The following ZNF678 variants were observed in gnomAD, a reference collection of about 807,000 sequenced individuals.
ZNF678 encodes hypothetical protein MGC42493.
Under a neutral mutation model 3.0 loss-of-function variants are expected in ZNF678, and 5 were observed. The observed-to-expected ratio is 1.69, with a 90% confidence interval of 0.88 to 3.56. The LOEUF is 3.56. Ranked by LOEUF, ZNF678 falls within the 30% of genes most tolerant of loss-of-function variation. The pLI is 0.00. For synonymous variants in ZNF678, 218 were observed against 199.6 expected, an observed-to-expected ratio of 1.09 and a Z score of -0.78; for missense variants, 593 against 605.0, an observed-to-expected ratio of 0.98 and a Z score of 0.21.
chr1:227,645,465 T>C (rs1176752267), intron 1 of ZNF678, among the ~76,000 whole-genome samples: 1 of 152,248 alleles, frequency 6.6e-6, no homozygotes, highest in African/African-American at 2.4e-5. Context: ...CTTCTTATGA[T>C]AGTCAGGGGG....
intron 1 of ZNF678, among the ~76,000 whole-genome samples, chr1:227,611,168 T>G (rs1445401829): frequency 6.6e-6 from 1 of 152,220 alleles, no homozygotes; most frequent in East Asian, 1.9e-4. Flanking sequence ...CTCCACTGGC[T>G]CATGATCTGT....
chr1:227,599,188 T>C, intron 1 of ZNF678: 1 of 1,088,536 alleles, frequency 9.2e-7, no homozygotes, highest in Non-Finnish European at 1.4e-6. Context: ...AAATAACCTT[T>C]GTTAAATTTA....
intron 1 of ZNF678, among the ~76,000 whole-genome samples, chr1:227,628,174 C>T (rs1658463220): frequency 6.6e-6 from 1 of 152,240 alleles, no homozygotes; most frequent in Non-Finnish European, 1.5e-5. Context: ...GCTACTGCTG[C>T]CACTACCTGT....
chr1:227,663,982 A>G (rs1659460069), downstream of ZNF678, among the ~76,000 whole-genome samples: 1 of 152,190 alleles, frequency 6.6e-6, no homozygotes, highest in Non-Finnish European at 1.5e-5. Flanking sequence ...GGACCCATCA[A>G]ACAGCTTTTT....
At chr1:227,651,159 A>G in intron 3 of ZNF678, 83 bp downstream of exon 3, 4 of 1,480,046 alleles carry the variant, frequency 2.7e-6, no homozygotes, top group East Asian at 2.3e-5. Flanking sequence ...CCTGAGTCCT[A>G]AGGTTGTTGG....
rs1290847739 is a variant in ZNF678, at chr1:227,654,820, TA to T, written c.572del (p.Asn191IlefsTer6). 6.2e-7 allele frequency: 1 copy of T among 1,608,740 alleles called. No individual in the cohort carries two copies. The highest frequency in any genetic ancestry group is 8.5e-7 in the Non-Finnish European group (1 of 1,178,938). On this transcript the variant is annotated frameshift_variant, in exon 4 of 4. Transcript: ENST00000343776. LOFTEE classifies it low-confidence loss of function (END_TRUNC). ...AATGTGATGAATGTGACAAAGTTTTTAATTGGTGGTCACAACTAACTAGCCA... is the reference window on the plus strand; with the variant it reads ...AATGTGATGAATGTGACAAAGTTTTTATTGGTGGTCACAACTAACTAGCCA... ...YKCDECDKVF[N>X]WWSQLTSHKK...
chr1:227,592,437 C>A (rs1657440786), intron 1 of ZNF678, among the ~76,000 whole-genome samples: 1 of 152,218 alleles, frequency 6.6e-6, no homozygotes, highest in East Asian at 1.9e-4. Flanking sequence ...TGGCCTTGGC[C>A]AGGGCCCTAC....
At chr1:227,600,492 G>T (rs964860673) in intron 1 of ZNF678, among the ~76,000 whole-genome samples, 1 of 152,194 alleles carries the variant, frequency 6.6e-6, no homozygotes. Flanking sequence ...CATTCCAACT[G>T]GTGTGAGATG....
At chr1:227,613,869 C>A (rs1165357029) in intron 1 of ZNF678, among the ~76,000 whole-genome samples, 3 of 152,172 alleles carry the variant, frequency 2.0e-5, no homozygotes, top group African/African-American at 4.8e-5. Context: ...CTGGTGCCAA[C>A]AAGTACTGCT....
intron 1 of ZNF678, among the ~76,000 whole-genome samples, chr1:227,631,017 T>C (rs1387659806): frequency 6.6e-6 from 1 of 152,058 alleles, no homozygotes; most frequent in Non-Finnish European, 1.5e-5. Context: ...TTGAAGAGGA[T>C]ATTGTGGTCA....
At chr1:227,629,101 G>A (rs1558148373) in intron 1 of ZNF678, among the ~76,000 whole-genome samples, 1 of 152,204 alleles carries the variant, frequency 6.6e-6, no homozygotes, top group Non-Finnish European at 1.5e-5. Flanking sequence ...GTACATTGGA[G>A]TATTGCAGGG....
At chr1:227,570,453 A>AGG (rs1053561827) in intron 1 of ZNF678, among the ~76,000 whole-genome samples, 1 of 152,210 alleles carries the variant, frequency 6.6e-6, no homozygotes, top group Non-Finnish European at 1.5e-5. Flanking sequence ...CATTAATCAA[A>AGG]GGGCCTGTCT....
chr1:227,609,047 C>T (rs16847992), intron 1 of ZNF678, among the ~76,000 whole-genome samples: 2 of 151,624 alleles, frequency 1.3e-5, no homozygotes, highest in African/African-American at 2.4e-5. Flanking sequence ...ATTTCCAAAA[C>T]GTCAAATACT....
At chr1:227,615,275 G>A (rs544948138) in intron 1 of ZNF678, among the ~76,000 whole-genome samples, 2 of 152,334 alleles carry the variant, frequency 1.3e-5, no homozygotes, top group Non-Finnish European at 2.9e-5. Flanking sequence ...TAGAGGCTCA[G>A]TGCAGAGGTA....
chr1:227,585,757 C>T (rs1447724461), intron 1 of ZNF678, among the ~76,000 whole-genome samples: 5 of 150,626 alleles, frequency 3.3e-5, no homozygotes, highest in Non-Finnish European at 5.9e-5. Flanking sequence ...AGCCTGGTGA[C>T]AGAGTGAGAT....
intron 1 of ZNF678, among the ~76,000 whole-genome samples, chr1:227,636,141 C>G (rs1048037926): frequency 3.9e-5 from 6 of 152,102 alleles, no homozygotes; most frequent in Admixed American, 2.0e-4. Context: ...ACCGGAGAAA[C>G]AGGAGGGGCC....
rs962102026 is a variant in ZNF678, at chr1:227,655,899, T to A, written c.*71T>A. On this transcript the variant is annotated 3_prime_UTR_variant, in exon 4 of 4. Transcript: ENST00000343776. ...AAGTGGTATGAGCATAATGACTGTT[T>A]AAGGATGTTTCACAAAATGTAAGCT... The A allele has an allele frequency of 1.6e-5, 22 of 1,392,942 alleles. No individual in the cohort carries two copies. The highest frequency in any genetic ancestry group is 2.1e-5 in the Non-Finnish European group (22 of 1,029,552). The allele number at this position is 1,392,942 out of a possible 1,614,324, so 86.3% of individuals were successfully genotyped here. A position where few individuals can be genotyped will look rare whatever the true frequency, so the allele number is the denominator to read the frequency against.
At chr1:227,665,522 G>A (rs1199828611), downstream of ZNF678, among the ~76,000 whole-genome samples, 1 of 152,206 alleles carries the variant, frequency 6.6e-6, no homozygotes, top group Non-Finnish European at 1.5e-5. Flanking sequence ...CTCTCAGGTT[G>A]TAGGCCGGAG....
chr1:227,615,112 A>AT (rs772161598), intron 1 of ZNF678, among the ~76,000 whole-genome samples: 87 of 152,264 alleles, frequency 5.7e-4, no homozygotes, highest in Middle Eastern at 3.4e-3. Context: ...GGAATTTGCC[A>AT]TTTTTTGTGA....
Sources: gnomAD v4.1 joint callset for allele counts (sites outside exome capture counted in the v4.1 genomes callset) on GRCh38, gnomAD v4.1.1 for gene constraint, MANE v1.5 for transcripts, NCBI Gene and HGNC (gene_info 2026-07-23, HGNC 2026-07-21) for gene names.